Variants in TTLL9 observed in about 807,000 individuals in gnomAD.
The protein encoded by TTLL9 is tubulin tyrosine ligase like 9.
A neutral mutation model predicts 65.6 loss-of-function variants in TTLL9; 47 were observed. The observed-to-expected ratio is 0.72, with a 90% CI of 0.57 to 0.91. The LOEUF is 0.91. Ranked by LOEUF, TTLL9 falls within the 40% of genes least tolerant of loss-of-function variation. The pLI, the probability that TTLL9 is intolerant of heterozygous loss-of-function variation, is 0.00. For missense variants in TTLL9, 537 were observed against 568.8 expected (o/e 0.94, Z 0.57); for synonymous variants, 179 against 204.8 (o/e 0.87, Z 1.07).
chr20:31,874,098 G>A (rs957935429), intron 2 of TTLL9, among the ~76,000 whole-genome samples: 15 of 152,352 alleles, frequency 9.8e-5, no homozygotes, highest in Middle Eastern at 3.4e-3. Context: ...GCCCATATGT[G>A]TTATTAGACC....
chr20:31,930,535 G>A (rs746323583), intron 10 of TTLL9, among the ~76,000 whole-genome samples: 4 of 152,096 alleles, frequency 2.6e-5, no homozygotes, highest in Non-Finnish European at 5.9e-5. Context: ...TAAATAAACA[G>A]TCATACATTT....
rs150997405 is a variant in TTLL9 at position 31,894,545 on chromosome 20, T to C, written c.114-3928T>C. Among the ~76,000 whole-genome samples the C allele has an allele frequency of 4.9e-4, 75 of 152,310 alleles. 1 individual carries two copies. In the East Asian group the frequency reaches 0.013, roughly 27 times the overall value. ...TGGGTTTATTTCAGTTGGCTCTTTT[T>C]CCTCTTGATTATGTATTACATTTCC... On this transcript the variant is annotated intron_variant, in intron 3 of 14. Transcript: ENST00000535842.
intron 2 of TTLL9, among the ~76,000 whole-genome samples, chr20:31,877,224 C>T (rs995220128): frequency 3.3e-5 from 5 of 152,134 alleles, no homozygotes; most frequent in Admixed American, 6.5e-5. Flanking sequence ...CTGCAACCTC[C>T]GCCTCCTGGG....
At chr20:31,912,603 ATGTGTGTGTGTGTGTGTGTGTG>A (rs61107814) in intron 6 of TTLL9, among the ~76,000 whole-genome samples, 1 of 141,008 alleles carries the variant, frequency 7.1e-6, no homozygotes, top group African/African-American at 2.6e-5. Context: ...GTGTATGTGT[ATGTGTGTGTGTGTGTGTGTGTG>A]TGTGTGTGTG....
chr20:31,925,752 T>C, intron 9 of TTLL9: 1 of 832,446 alleles, frequency 1.2e-6, no homozygotes, highest in Non-Finnish European at 1.9e-6. Context: ...GAAGGATGAT[T>C]TGGGAAAGAC....
chr20:31,896,579 G>T lies in TTLL9; in HGVS notation c.114-1894G>T, dbSNP rs1201213060. ...CAGTCTCTCTCTGTCGCCCACACTG[G>T]AGTGCAGTGGTGCTATCTCGGCTCA... On this transcript the variant is annotated intron_variant, in intron 3 of 14. Transcript: ENST00000535842. Among the ~76,000 whole-genome samples the T allele has an allele frequency of 2.0e-5, 3 of 151,916 alleles. No individual in the cohort carries two copies. In the East Asian group the frequency reaches 5.8e-4, roughly 29 times the overall value.
In TTLL9 at chr20:31,943,858, C is replaced by CT. The variant is rs2064267446; in HGVS notation, c.*838dup. ...TCGGGAGTTGAGTGTGAGTAAAAAT[C>CT]TGCCTTTTCACATCTTACATTGCTA... On this transcript the variant is annotated 3_prime_UTR_variant, in exon 15 of 15. Transcript: ENST00000535842. The CT allele has an allele frequency of 2.2e-6, 1 of 456,424 alleles. No individual in the cohort carries two copies. Among genetic ancestry groups the CT allele is most frequent in the African/African-American group, 2.0e-5 (1 of 50,074 alleles). The allele number at this position is 456,424 out of a possible 1,614,324, so 28.3% of individuals were successfully genotyped here. A position where few individuals can be genotyped will look rare whatever the true frequency, so the allele number is the denominator to read the frequency against.
Position 31,908,705 on chromosome 20 carries a change from G to A in TTLL9, c.318+3G>A, listed in dbSNP as rs767510401. 6 of 1,612,644 alleles carry A rather than the reference G, an allele frequency of 3.7e-6. No homozygotes were observed. The highest frequency in any genetic ancestry group is 1.7e-5 in the Admixed American group (1 of 59,964). ...GTCACTTCCGGAACCACTATGAGGT[G>A]AGCTGGGCAGGCGGGAGGGACTGTG... On this transcript the variant is annotated splice_donor_region_variant and intron_variant, in intron 5 of 14. Transcript: ENST00000535842.
At position 31,943,679 on chromosome 20, in the gene TTLL9, A is replaced by C. The variant is rs2064263766; in HGVS notation, c.*658A>C. On this transcript the variant is annotated 3_prime_UTR_variant, in exon 15 of 15. Coordinates refer to ENST00000535842, the MANE Select transcript of TTLL9 (RefSeq NM_001008409.5). The stretch of plus-strand genomic sequence containing the variant: ...GGCATCCCCATTTCTCAGATGGACA[A>C]GACAGACCAGGGAGGCAGAGCTTAG... 1 of 456,052 alleles carries C rather than the reference A, an allele frequency of 2.2e-6. No homozygotes were observed. The highest frequency in any genetic ancestry group is 4.4e-6 in the Non-Finnish European group (1 of 226,584). The allele number at this position is 456,052 out of a possible 1,614,324, so 28.3% of individuals were successfully genotyped here. A position where few individuals can be genotyped will look rare whatever the true frequency, so the allele number is the denominator to read the frequency against.
chr20:31,883,940 C>A, intron 2 of TTLL9: 1 of 423,584 alleles, frequency 2.4e-6, no homozygotes, highest in Admixed American at 4.3e-5. Context: ...GAGTTTTCAC[C>A]AGTGCAATAA....
intron 2 of TTLL9, among the ~76,000 whole-genome samples, chr20:31,882,805 G>A (rs1215149178): frequency 1.3e-5 from 2 of 152,098 alleles, no homozygotes; most frequent in Admixed American, 1.3e-4. Context: ...TAAAACTGCT[G>A]GGCAAAATGT....
chr20:31,873,310 G>A (rs919830966), intron 2 of TTLL9, among the ~76,000 whole-genome samples: 3 of 152,136 alleles, frequency 2.0e-5, no homozygotes, highest in African/African-American at 7.2e-5. Context: ...TGCCAAAGAT[G>A]TGCTGACTTA....
At chr20:31,889,995 T>TTCC (rs2063267622) in intron 3 of TTLL9, among the ~76,000 whole-genome samples, 1 of 136,820 alleles carries the variant, frequency 7.3e-6, no homozygotes, top group Admixed American at 7.3e-5. Flanking sequence ...TCTTTCTTTC[T>TTCC]TTCTTTCTTT....
At chr20:31,888,411 A>C (rs938728754) in intron 3 of TTLL9, among the ~76,000 whole-genome samples, 4 of 152,218 alleles carry the variant, frequency 2.6e-5, no homozygotes, top group African/African-American at 9.6e-5. Context: ...AACAAAGAGC[A>C]CTTAACAGGC....
At chr20:31,876,783 C>G (rs1352105947) in intron 2 of TTLL9, among the ~76,000 whole-genome samples, 3 of 152,180 alleles carry the variant, frequency 2.0e-5, no homozygotes, top group Non-Finnish European at 4.4e-5. Context: ...CCCGTTTCCC[C>G]ACGTCCTCAC....
At chr20:31,887,905 T>TC (rs1568747311) in intron 3 of TTLL9, among the ~76,000 whole-genome samples, 4 of 151,184 alleles carry the variant, frequency 2.6e-5, no homozygotes, top group Admixed American at 6.6e-5. Flanking sequence ...TCTCTTCTCT[T>TC]TTGAGTTTCA....
At chr20:31,911,841 T>TGTGTGTGTGA (rs1555828698) in intron 6 of TTLL9, among the ~76,000 whole-genome samples, 21 of 41,340 alleles carry the variant, frequency 5.1e-4, no homozygotes, top group Admixed American at 4.8e-3. Context: ...CGTGTGTGTG[T>TGTGTGTGTGA]GTGTGTGTGT....
Position 31,943,075 on chromosome 20 carries a change from C to A in TTLL9, c.*54C>A, listed in dbSNP as rs765352958. On this transcript the variant is annotated 3_prime_UTR_variant, in exon 15 of 15. Transcript: ENST00000535842. ...TAGCAGGTGCCACCCAGGCCTCCCC[C>A]CCACTCCCAGATCCCAGCACAGCAC... is the stretch of plus-strand genomic sequence containing the variant. The A allele has an allele frequency of 5.3e-4, 801 of 1,523,686 alleles. 1 individual carries two copies. Among genetic ancestry groups the A allele is most frequent in the Non-Finnish European group, 6.6e-4 (726 of 1,100,636 alleles). 94.4% of individuals were successfully genotyped at this position (1,523,686 alleles called of 1,614,324 possible).
intron 3 of TTLL9, among the ~76,000 whole-genome samples, chr20:31,888,008 C>T (rs1364565537): frequency 6.6e-6 from 1 of 151,932 alleles, no homozygotes; most frequent in African/African-American, 2.4e-5. Context: ...CCTCAGCCTC[C>T]CGAGTAGCTG....
Sources: allele counts gnomAD v4.1 joint callset (sites outside exome capture counted in the v4.1 genomes callset), GRCh38; gene constraint gnomAD v4.1.1; transcripts MANE v1.5; gene names NCBI Gene and HGNC (gene_info 2026-07-23, HGNC 2026-07-21).